The following NUP93 variants were observed in gnomAD, a reference collection of about 807,000 sequenced individuals.
NUP93 encodes nuclear pore complex protein Nup93.
Under a neutral mutation model 107.8 loss-of-function variants are expected in NUP93, and 55 were observed. The observed-to-expected ratio is 0.51, with a 90% CI of 0.41 to 0.64. The LOEUF is 0.64. Ranked by LOEUF, NUP93 falls within the 30% of genes least tolerant of loss-of-function variation. The pLI, the probability that NUP93 is intolerant of heterozygous loss-of-function variation, is 0.00. For synonymous variants in NUP93, 390 were observed against 397.5 expected (o/e 0.98, Z 0.22); for missense variants, 937 against 1,044.7 (o/e 0.90, Z 1.42).
At chr16:56,837,819 G>C in intron 18 of NUP93, 93 bp downstream of exon 18, 4 of 865,252 alleles carry the variant, frequency 4.6e-6, no homozygotes, top group Non-Finnish European at 7.4e-6. Flanking sequence ...AGCTTTACTA[G>C]GTAACAGCAG....
At chr16:56,826,970 C>T (rs918177692) in intron 8 of NUP93, among the ~76,000 whole-genome samples, 2 of 136,758 alleles carry the variant, frequency 1.5e-5, no homozygotes, top group African/African-American at 2.7e-5. Context: ...TGCTTGAACC[C>T]GGTGGGCAGA....
At chr16:56,843,227 A>G (rs1373794551) in intron 21 of NUP93, among the ~76,000 whole-genome samples, 2 of 152,196 alleles carry the variant, frequency 1.3e-5, no homozygotes, top group Non-Finnish European at 2.9e-5. Context: ...CATGGTGCCC[A>G]CCATTTGGCA....
At chr16:56,803,741 G>A in intron 4 of NUP93, among the ~76,000 whole-genome samples, 1 of 56,304 alleles carries the variant, frequency 1.8e-5, no homozygotes, top group African/African-American at 1.1e-4. Context: ...GCAAAAAACA[G>A]GGAAAAATAT....
intron 8 of NUP93, among the ~76,000 whole-genome samples, chr16:56,827,586 G>A (rs925564657): frequency 1.2e-4 from 18 of 152,208 alleles, no homozygotes; most frequent in Non-Finnish European, 2.5e-4. Flanking sequence ...CTACTTCATT[G>A]TGGGATTCAG....
At chr16:56,799,495 C>A (rs369293431) in intron 4 of NUP93, among the ~76,000 whole-genome samples, 21 of 152,244 alleles carry the variant, frequency 1.4e-4, no homozygotes, top group Middle Eastern at 3.4e-3. Flanking sequence ...ATTTTTGGGC[C>A]ACTGGGGCCT....
chr16:56,783,462 A>G, intron 3 of NUP93: 1 of 985,370 alleles, frequency 1.0e-6, no homozygotes, highest in Non-Finnish European at 1.2e-6. Flanking sequence ...CAGCATTGCA[A>G]AGAATCGATT....
intron 5 of NUP93, among the ~76,000 whole-genome samples, chr16:56,813,530 A>G (rs951246793): frequency 6.6e-6 from 1 of 152,068 alleles, no homozygotes; most frequent in African/African-American, 2.4e-5. Context: ...TTTCAAAAAG[A>G]TTTTTTAAAA....
intron 3 of NUP93, among the ~76,000 whole-genome samples, chr16:56,769,485 C>T (rs549911113): frequency 6.6e-5 from 10 of 152,162 alleles, no homozygotes; most frequent in Non-Finnish European, 1.2e-4. Flanking sequence ...ATCCGTTTAT[C>T]TCCAGGTGCT....
intron 3 of NUP93, among the ~76,000 whole-genome samples, chr16:56,768,247 C>T (rs1312352698): frequency 2.0e-5 from 3 of 152,146 alleles, no homozygotes; most frequent in Admixed American, 1.3e-4. Flanking sequence ...TGCAGTGAAA[C>T]GTAGTACCAG....
chr16:56,820,318 ATGAT>A (rs1463712678), intron 6 of NUP93, among the ~76,000 whole-genome samples: 1 of 152,304 alleles, frequency 6.6e-6, no homozygotes, highest in Admixed American at 6.5e-5. Flanking sequence ...GATTGGTTGG[ATGAT>A]TGATTGAGAC....
At chr16:56,786,719 A>G (rs1962635704) in intron 3 of NUP93, among the ~76,000 whole-genome samples, 1 of 152,156 alleles carries the variant, frequency 6.6e-6, no homozygotes, top group South Asian at 2.1e-4. Context: ...GGATGGGCAG[A>G]GTTGTTACGT....
In NUP93 at chr16:56,755,609, C is replaced by T. The variant is rs557360897; in HGVS notation, c.180-2929C>T. 2.2e-4 allele frequency among the ~76,000 whole-genome samples: 33 copies of T among 152,254 alleles called. No homozygotes were observed. In the South Asian group the frequency reaches 3.3e-3, roughly 15 times the overall value. On this transcript the variant is annotated intron_variant, in intron 2 of 21. Transcript: ENST00000308159. ...CTGAATTGTAGGCCAGGCATGGTCG[C>T]TCACGCCTGTAATCCCAGCACTTTG...
intron 16 of NUP93, 86 bp from the exon 17 acceptor site, chr16:56,836,515 G>C (rs1963914649): frequency 1.3e-6 from 1 of 769,118 alleles, no homozygotes; most frequent in Non-Finnish European, 2.2e-6. Context: ...AGTATTTTTT[G>C]GATCCTAATT....
chr16:56,797,689 G>A (rs1962930434), intron 3 of NUP93, among the ~76,000 whole-genome samples: 1 of 152,190 alleles, frequency 6.6e-6, no homozygotes, highest in Non-Finnish European at 1.5e-5. Context: ...CATGTATTGA[G>A]CCTTGGGTCA....
intron 8 of NUP93, among the ~76,000 whole-genome samples, chr16:56,825,680 T>C (rs535920180): frequency 1.3e-5 from 2 of 152,292 alleles, no homozygotes. Flanking sequence ...TTTTAGTCTT[T>C]TCGTTTAGTT....
intron 3 of NUP93, among the ~76,000 whole-genome samples, chr16:56,768,760 G>A (rs1287183365): frequency 2.6e-5 from 4 of 151,366 alleles, no homozygotes; most frequent in South Asian, 2.1e-4. Flanking sequence ...CCAGCTACTC[G>A]GGAGGCTGAG....
intron 8 of NUP93, among the ~76,000 whole-genome samples, chr16:56,826,746 G>A (rs758648070): frequency 6.6e-6 from 1 of 151,070 alleles, no homozygotes; most frequent in Non-Finnish European, 1.5e-5. Flanking sequence ...TTTCATAACT[G>A]CATAAAATTT....
intron 5 of NUP93, among the ~76,000 whole-genome samples, chr16:56,811,156 C>T (rs1474979159): frequency 1.3e-5 from 2 of 152,154 alleles, no homozygotes; most frequent in African/African-American, 4.8e-5. Context: ...AGAGGGTATG[C>T]ATATGTTCAG....
At chr16:56,789,397 A>C (rs1310112747) in intron 3 of NUP93, among the ~76,000 whole-genome samples, 3 of 152,274 alleles carry the variant, frequency 2.0e-5, no homozygotes, top group African/African-American at 7.2e-5. Context: ...CAAATCCGTC[A>C]CATAATTGTG....
Sources: allele counts gnomAD v4.1 joint callset (sites outside exome capture counted in the v4.1 genomes callset), GRCh38; gene constraint gnomAD v4.1.1; transcripts MANE v1.5; gene names NCBI Gene and HGNC (gene_info 2026-07-23, HGNC 2026-07-21).